Variants in C12orf42 observed in about 807,000 individuals in gnomAD.
C12orf42 encodes uncharacterized protein C12orf42.
Under a neutral mutation model 21.6 loss-of-function variants are expected in C12orf42, and 25 were observed. That is an observed-to-expected ratio of 1.16 (90% CI 0.84 to 1.62). The LOEUF (loss-of-function observed/expected upper bound fraction) is 1.62. Ranked by LOEUF, C12orf42 falls within the 40% of genes most tolerant of loss-of-function variation. The pLI is 0.00. For missense variants in C12orf42, 483 were observed against 459.3 expected, an observed-to-expected ratio of 1.05 and a Z score of -0.47; for synonymous variants, 174 against 175.0, an observed-to-expected ratio of 0.99 and a Z score of 0.05.
At chr12:103,114,314 G>T in the C12orf42 span, among the ~76,000 whole-genome samples, 2 of 152,242 alleles carry the variant, frequency 1.3e-5, no homozygotes, top group Non-Finnish European at 2.9e-5. Context: ...CATTTGTGGT[G>T]CACGGGAAGC....
downstream of C12orf42, among the ~76,000 whole-genome samples, chr12:103,266,424 GA>G (rs1386874432): frequency 6.6e-6 from 1 of 152,072 alleles, no homozygotes; most frequent in African/African-American, 2.4e-5. Context: ...GAAAACTGGA[GA>G]ATACCTTTTA....
At chr12:103,120,768 TA>T in the C12orf42 span, among the ~76,000 whole-genome samples, 1 of 149,040 alleles carries the variant, frequency 6.7e-6, no homozygotes, top group Non-Finnish European at 1.5e-5. Flanking sequence ...TATTATAGTA[TA>T]TTATATATAC....
the C12orf42 span, among the ~76,000 whole-genome samples, chr12:103,218,622 T>G: frequency 6.6e-6 from 1 of 152,168 alleles, no homozygotes; most frequent in African/African-American, 2.4e-5. Context: ...AGGTGTCTAC[T>G]TTTTATTTGA....
At chr12:103,431,938 T>C (rs558449835) in intron 2 of C12orf42, among the ~76,000 whole-genome samples, 15 of 152,262 alleles carry the variant, frequency 9.9e-5, no homozygotes, top group Middle Eastern at 6.8e-3. Flanking sequence ...TTGAAAACTT[T>C]AGCGCAGGAA....
intron 3 of C12orf42, chr12:103,397,661 T>A (rs1014324189): frequency 3.3e-4 from 50 of 152,350 alleles, no homozygotes; most frequent in Middle Eastern, 3.4e-3. Context: ...CTGCTTTATG[T>A]GTCTTCATTG....
the C12orf42 span, among the ~76,000 whole-genome samples, chr12:103,231,921 T>C: frequency 2.6e-5 from 4 of 152,306 alleles, no homozygotes; most frequent in East Asian, 5.8e-4. Flanking sequence ...CCTTTTGCAT[T>C]CCCACAAGGA....
At chr12:103,329,781 C>A (rs2041064781) in intron 4 of C12orf42, among the ~76,000 whole-genome samples, 1 of 151,860 alleles carries the variant, frequency 6.6e-6, no homozygotes, top group African/African-American at 2.4e-5. Context: ...CCACTATAAG[C>A]ATTTTTGTGC....
chr12:103,398,241 G>A (rs1593810725), intron 3 of C12orf42, among the ~76,000 whole-genome samples: 1 of 152,042 alleles, frequency 6.6e-6, no homozygotes, highest in African/African-American at 2.4e-5. Flanking sequence ...TTTCATTACA[G>A]TTTTTATCTG....
the C12orf42 span, among the ~76,000 whole-genome samples, chr12:103,187,972 G>A: frequency 6.6e-6 from 1 of 152,320 alleles, no homozygotes; most frequent in African/African-American, 2.4e-5. Flanking sequence ...AATAGTAAAT[G>A]TGTACTGCTT....
rs4764963 is a variant in C12orf42 at position 103,492,222 on chromosome 12, T to C, written c.-22+3680A>G. Among the ~76,000 whole-genome samples the C allele has an allele frequency of 7.7e-3, 1,171 of 152,348 alleles. 4 individuals carry two copies. The highest frequency in any genetic ancestry group is 0.011 in the Non-Finnish European group (781 of 68,032). ...ATCCACCTGCCATGGCCTCCCAAAA[T>C]GCTGGGATTACAGGGGTGAGCCACC... On this transcript the variant is annotated intron_variant, in intron 1 of 5. Transcript: ENST00000548883.
At chr12:103,163,923 T>C in the C12orf42 span, among the ~76,000 whole-genome samples, 1 of 152,320 alleles carries the variant, frequency 6.6e-6, no homozygotes, top group East Asian at 1.9e-4. Flanking sequence ...GGAAAAAGGC[T>C]CAGAGAGGTC....
chr12:103,188,059 T>G, the C12orf42 span, among the ~76,000 whole-genome samples: 1 of 152,210 alleles, frequency 6.6e-6, no homozygotes, highest in Non-Finnish European at 1.5e-5. Flanking sequence ...TTATGTGTCT[T>G]GGGTGGGTTC....
chr12:103,418,204 C>G (rs1220768084), intron 2 of C12orf42, among the ~76,000 whole-genome samples: 1 of 152,054 alleles, frequency 6.6e-6, no homozygotes, highest in African/African-American at 2.4e-5. Flanking sequence ...TGGAGTAATC[C>G]TCACATTGGA....
chr12:103,093,590 G>A, the C12orf42 span, among the ~76,000 whole-genome samples: 1 of 152,126 alleles, frequency 6.6e-6, no homozygotes, highest in Non-Finnish European at 1.5e-5. Flanking sequence ...AATAAAGAGG[G>A]AATTAGGTGG....
intron 2 of C12orf42, among the ~76,000 whole-genome samples, chr12:103,420,476 A>G (rs933164555): frequency 3.9e-5 from 6 of 151,992 alleles, no homozygotes; most frequent in African/African-American, 1.4e-4. Flanking sequence ...CTGCTCATCA[A>G]TTGTCTCCTT....
intron 2 of C12orf42, among the ~76,000 whole-genome samples, chr12:103,428,794 G>A (rs570893915): frequency 1.0e-3 from 157 of 152,110 alleles, no homozygotes; most frequent in African/African-American, 3.6e-3. Flanking sequence ...TTCATCCCTG[G>A]GATGCAAGGC....
At chr12:103,504,521 G>T in the C12orf42 span, 1 of 153,316 alleles carries the variant, frequency 6.5e-6, no homozygotes, top group South Asian at 2.0e-4. Flanking sequence ...ATCATGTGGG[G>T]AGTGCTTGGA....
chr12:103,465,844 A>T (rs1443371488), intron 2 of C12orf42, among the ~76,000 whole-genome samples: 4 of 152,180 alleles, frequency 2.6e-5, no homozygotes, highest in Non-Finnish European at 5.9e-5. Flanking sequence ...TTCTGCCTCT[A>T]TTGAGATAAT....
At chr12:103,234,629 A>T (rs1405090730), downstream of C12orf42, among the ~76,000 whole-genome samples, 1 of 152,146 alleles carries the variant, frequency 6.6e-6, no homozygotes, top group East Asian at 1.9e-4. Flanking sequence ...TCCAAAAATC[A>T]CTAATACATT....
Sources: gnomAD v4.1 joint callset for allele counts (sites outside exome capture counted in the v4.1 genomes callset) on GRCh38, gnomAD v4.1.1 for gene constraint, MANE v1.5 for transcripts, NCBI Gene and HGNC (gene_info 2026-07-23, HGNC 2026-07-21) for gene names.